FAM76A: variants seen among roughly 807,000 people sequenced by gnomAD.
FAM76A encodes the protein family with sequence similarity 76 member A.
Under a neutral mutation model 46.2 loss-of-function variants are expected in FAM76A, and 32 were observed. The observed-to-expected ratio is 0.69, with a 90% CI of 0.52 to 0.93. FAM76A has a LOEUF of 0.93. Ranked by LOEUF, FAM76A falls within the 40% of genes least tolerant of loss-of-function variation. The pLI is 0.00. For missense variants in FAM76A, 274 were observed against 361.5 expected (o/e 0.76, Z 1.96); for synonymous variants, 137 against 127.0 (o/e 1.08, Z -0.53).
intron 6 of FAM76A, among the ~76,000 whole-genome samples, chr1:27,753,572 G>C (rs2088363854): frequency 6.6e-6 from 1 of 152,146 alleles, no homozygotes; most frequent in African/African-American, 2.4e-5. Flanking sequence ...TTAGTTATGA[G>C]AGCATTGATT....
Position 27,726,178 on chromosome 1 carries a change from GGCGGCCGGGAACTGGGGACGCAGGAGGC to G in FAM76A, c.81+24_81+51del, listed in dbSNP as rs1173613950. 2 of 1,273,754 alleles carry G rather than the reference GGCGGCCGGGAACTGGGGACGCAGGAGGC, an allele frequency of 1.6e-6. No individual in the cohort carries two copies. Among genetic ancestry groups the G allele is most frequent in the Non-Finnish European group, 2.0e-6 (2 of 1,009,956 alleles). 78.9% of individuals were successfully genotyped at this position (1,273,754 alleles called of 1,614,324 possible). Reference sequence around the variant, plus strand: ...CTGTGCAAGGTGCGCGGGCTGGGGCGGCGGCCGGGAACTGGGGACGCAGGAGGCGCGGCCCGGAGCTCCAGATTCTGTG... The same window carrying G: ...CTGTGCAAGGTGCGCGGGCTGGGGCGGCGGCCCGGAGCTCCAGATTCTGTG... On this transcript the variant is annotated intron_variant, in intron 1 of 8. Transcript: ENST00000373954.
chr1:27,756,845 A>G (rs1335104968), intron 7 of FAM76A, among the ~76,000 whole-genome samples: 1 of 151,992 alleles, frequency 6.6e-6, no homozygotes, highest in Non-Finnish European at 1.5e-5. Flanking sequence ...AGATTGCTTG[A>G]GCCCAGGAAT....
chr1:27,750,312 A>G (rs564651150), intron 6 of FAM76A, among the ~76,000 whole-genome samples: 1 of 152,316 alleles, frequency 6.6e-6, no homozygotes, highest in East Asian at 1.9e-4. Context: ...ACTGATTTTT[A>G]AACTTCTTGA....
chr1:27,746,253 A>G (rs1426604348), intron 5 of FAM76A, among the ~76,000 whole-genome samples: 3 of 152,226 alleles, frequency 2.0e-5, no homozygotes, highest in Non-Finnish European at 2.9e-5. Flanking sequence ...GAGTAAGTAA[A>G]GGATAATTCC....
At chr1:27,742,909 A>G (rs1262961205) in intron 4 of FAM76A, among the ~76,000 whole-genome samples, 1 of 152,014 alleles carries the variant, frequency 6.6e-6, no homozygotes, top group Admixed American at 6.6e-5. Context: ...AAATACAAAA[A>G]AAAATTAGCT....
At chr1:27,751,019 G>T (rs1251321330) in intron 6 of FAM76A, among the ~76,000 whole-genome samples, 2 of 152,140 alleles carry the variant, frequency 1.3e-5, no homozygotes. Context: ...GGGCATGGTG[G>T]CGTGTGCCTG....
At chr1:27,734,634 T>C (rs1284437103) in intron 4 of FAM76A, among the ~76,000 whole-genome samples, 2 of 152,226 alleles carry the variant, frequency 1.3e-5, no homozygotes, top group African/African-American at 4.8e-5. Flanking sequence ...AAAGAAGATA[T>C]TCATATTTTG....
Position 27,725,962 on chromosome 1 carries a change from C to T in FAM76A, c.-119C>T. On this transcript the variant is annotated 5_prime_UTR_variant, in exon 1 of 9. Transcript: ENST00000373954. The stretch of plus-strand genomic sequence containing the variant: ...GCCCGCCCGGGTCCGCCCCGACCCG[C>T]CTGCGCCCGCCCGCCTGCCGCAGCC... 2.8e-6 allele frequency: 2 copies of T among 703,484 alleles called. No homozygotes were observed. Among genetic ancestry groups the T allele is most frequent in the Non-Finnish European group, 3.9e-6 (2 of 514,026 alleles). The allele number at this position is 703,484 out of a possible 1,614,324, so 43.6% of individuals were successfully genotyped here.
At chr1:27,756,152 A>C (rs2148586746) in intron 7 of FAM76A, among the ~76,000 whole-genome samples, 1 of 152,296 alleles carries the variant, frequency 6.6e-6, no homozygotes. Context: ...TAATACTCAA[A>C]GTTCATGGGA....
intron 2 of FAM76A, among the ~76,000 whole-genome samples, chr1:27,731,696 A>AT (rs1261729527): frequency 1.3e-5 from 2 of 151,452 alleles, no homozygotes; most frequent in African/African-American, 2.4e-5. Flanking sequence ...AGGAGAATTT[A>AT]TTTTTTTTTC....
intron 6 of FAM76A, among the ~76,000 whole-genome samples, chr1:27,752,056 G>A (rs1267051343): frequency 6.6e-6 from 1 of 152,180 alleles, no homozygotes; most frequent in Non-Finnish European, 1.5e-5. Context: ...TTATAGGCAT[G>A]AGCCACCAGA....
At chr1:27,751,371 G>A (rs1255050339) in intron 6 of FAM76A, among the ~76,000 whole-genome samples, 1 of 150,962 alleles carries the variant, frequency 6.6e-6, no homozygotes, top group Non-Finnish European at 1.5e-5. Context: ...CCACTTTGCT[G>A]TCCTCTTTAC....
At chr1:27,741,717 C>CCCCATCTATTTTTTA in intron 4 of FAM76A, among the ~76,000 whole-genome samples, 1 of 151,888 alleles carries the variant, frequency 6.6e-6, no homozygotes, top group African/African-American at 2.4e-5. Flanking sequence ...CCCATCTCTA[C>CCCCATCTATTTTTTA]TAAAAATATA....
At chr1:27,759,074 T>G (rs2088461477) in intron 7 of FAM76A, among the ~76,000 whole-genome samples, 1 of 152,114 alleles carries the variant, frequency 6.6e-6, no homozygotes, top group Admixed American at 6.6e-5. Flanking sequence ...TAGAATTTCC[T>G]TGAAGAGCAG....
intron 1 of FAM76A, among the ~76,000 whole-genome samples, chr1:27,726,767 C>A (rs1039273440): frequency 1.3e-5 from 2 of 152,118 alleles, no homozygotes; most frequent in Non-Finnish European, 2.9e-5. Flanking sequence ...TGGTGGTCTT[C>A]GGTCTTCCCT....
At position 27,761,924 on chromosome 1, in the gene FAM76A, C is replaced by T. The variant is rs917056703; in HGVS notation, c.*1343C>T. The T allele has an allele frequency of 6.8e-6, 1 of 146,928 alleles. No individual in the cohort carries two copies. Among genetic ancestry groups the T allele is most frequent in the Non-Finnish European group, 1.5e-5 (1 of 67,654 alleles). The allele number at this position is 146,928 out of a possible 1,614,324, so 9.1% of individuals were successfully genotyped here. ...AGGTTGCAATGAGCTGAAATCGCAACACTGCACTGCAGCCTGGGCAATGGA... is the reference window on the plus strand; with the variant it reads ...AGGTTGCAATGAGCTGAAATCGCAATACTGCACTGCAGCCTGGGCAATGGA... On this transcript the variant is annotated 3_prime_UTR_variant, in exon 9 of 9. Coordinates refer to ENST00000373954, the MANE Select transcript of FAM76A (RefSeq NM_152660.3).
chr1:27,749,294 T>C (rs981627458), intron 6 of FAM76A, 140 bp downstream of exon 6: 2 of 475,834 alleles, frequency 4.2e-6, no homozygotes, highest in Non-Finnish European at 7.5e-6. Flanking sequence ...GATATTTGTT[T>C]ATAAATCTAA....
intron 4 of FAM76A, among the ~76,000 whole-genome samples, chr1:27,737,603 G>A (rs2088071729): frequency 6.6e-6 from 1 of 151,994 alleles, no homozygotes; most frequent in African/African-American, 2.4e-5. Context: ...TGTAATCCCA[G>A]CACTTTGGGA....
intron 2 of FAM76A, among the ~76,000 whole-genome samples, 194 bp from the exon 3 acceptor site, chr1:27,732,409 C>T (rs1160024904): frequency 1.3e-5 from 2 of 152,118 alleles, no homozygotes; most frequent in African/African-American, 4.8e-5. Flanking sequence ...GCCTGGGGAA[C>T]AGAGTGAGAC....
Sources: gnomAD v4.1 joint callset for allele counts (sites outside exome capture counted in the v4.1 genomes callset) on GRCh38, gnomAD v4.1.1 for gene constraint, MANE v1.5 for transcripts, NCBI Gene and HGNC (gene_info 2026-07-23, HGNC 2026-07-21) for gene names.